NR5A1: variants seen among roughly 807,000 people sequenced by gnomAD.
NR5A1 encodes nuclear receptor subfamily 5 group A member 1, also known as steroidogenic factor 1.
NR5A1 carries 6 observed loss-of-function variants against 42.7 expected under a neutral mutation model. The observed-to-expected ratio is 0.14, with a 90% CI of 0.08 to 0.28. The LOEUF is 0.28. Ranked by LOEUF, NR5A1 falls within the 10% of genes least tolerant of loss-of-function variation. NR5A1 has a pLI of 1.00. For missense variants in NR5A1, 442 were observed against 626.4 expected, an observed-to-expected ratio of 0.71 and a Z score of 3.14; for synonymous variants, 274 against 277.5, an observed-to-expected ratio of 0.99 and a Z score of 0.12.
In NR5A1 at chr9:124,481,693, T is replaced by G. The variant is rs1246285506; in HGVS notation, c.*1065A>C. 2 of 152,082 alleles carry G rather than the reference T, an allele frequency of 1.3e-5. No homozygotes were observed. Among genetic ancestry groups the G allele is most frequent in the Non-Finnish European group, 2.9e-5 (2 of 68,026 alleles). 9.4% of individuals were successfully genotyped at this position (152,082 alleles called of 1,614,324 possible). ...TGCCCCCTCCCAAGTTCACTTGCAT[T>G]CCCACCCACAGAGACCTGAAGCCCC... On this transcript the variant is annotated 3_prime_UTR_variant, in exon 7 of 7. Coordinates refer to ENST00000373588, the MANE Select transcript of NR5A1 (RefSeq NM_004959.5).
At chr9:124,487,691 C>A (rs1174527955) in intron 6 of NR5A1, among the ~76,000 whole-genome samples, 2 of 152,128 alleles carry the variant, frequency 1.3e-5, no homozygotes, top group Admixed American at 1.3e-4. Context: ...CAGGGCGGAG[C>A]CGCCCCCGAG....
rs774409128 is a variant in NR5A1 at position 124,482,746 on chromosome 9, C to T, written c.*12G>A. 7.1e-6 allele frequency: 11 copies of T among 1,541,456 alleles called. No homozygotes were observed. Among genetic ancestry groups the T allele is most frequent in the Middle Eastern group, 4.4e-4 (2 of 4,506 alleles). On this transcript the variant is annotated 3_prime_UTR_variant, in exon 7 of 7. Coordinates refer to ENST00000373588, the MANE Select transcript of NR5A1 (RefSeq NM_004959.5). ...TCCCGCCCCCAGTCCCGGCCCCGCC[C>T]CCGGCCCAGGCTCAAGTCTGCTTGG... is the stretch of plus-strand genomic sequence containing the variant.
At chr9:124,506,800 C>G (rs780325888) in intron 1 of NR5A1, among the ~76,000 whole-genome samples, 7 of 152,202 alleles carry the variant, frequency 4.6e-5, no homozygotes, top group Non-Finnish European at 8.8e-5. Context: ...AAGCCTAGAC[C>G]TGGCCCGGCC....
In NR5A1 at chr9:124,500,756, C is replaced by A. The variant is rs2131287463; in HGVS notation, c.245-41G>T. On this transcript the variant is annotated intron_variant, in intron 3 of 6. Coordinates refer to ENST00000373588, the MANE Select transcript of NR5A1 (RefSeq NM_004959.5). This position sits in a 1 kb window ranked among gnomAD's most constrained non-coding sequence, Gnocchi z 6.9. ...GAGGGTCAGACTCACCCTCTCTAAG[C>A]CCCCTTCCATGCTGCCCCACCACAG... The A allele has an allele frequency of 6.2e-7, 1 of 1,611,770 alleles. No homozygotes were observed. Among genetic ancestry groups the A allele is most frequent in the Non-Finnish European group, 8.5e-7 (1 of 1,179,954 alleles).
intron 3 of NR5A1, among the ~76,000 whole-genome samples, chr9:124,502,147 G>A (rs959959620): frequency 6.6e-6 from 1 of 152,060 alleles, no homozygotes; most frequent in Non-Finnish European, 1.5e-5. Context: ...GGGCGGTGGT[G>A]GTGGGCAGAT....
Position 124,503,832 on chromosome 9 carries a change from A to ACGAAGGAGGCAGAGACAGAGT in NR5A1, c.-15-443_-15-423dup, listed in dbSNP as rs1832505903. Among the ~76,000 whole-genome samples, 1 of 152,172 alleles carries ACGAAGGAGGCAGAGACAGAGT rather than the reference A, an allele frequency of 6.6e-6. No homozygotes were observed. Among genetic ancestry groups the ACGAAGGAGGCAGAGACAGAGT allele is most frequent in the Non-Finnish European group, 1.5e-5 (1 of 68,018 alleles). ...CGGGTGTTCTGGGAACCCGACAGAGACGAAGGAGGCAGAGACAGAGTCCGG... is the reference window on the plus strand; with the variant it reads ...CGGGTGTTCTGGGAACCCGACAGAGACGAAGGAGGCAGAGACAGAGTCGAAGGAGGCAGAGACAGAGTCCGG... On this transcript the variant is annotated intron_variant, in intron 1 of 6. Transcript: ENST00000373588. The surrounding 1 kb of genome is among the most constrained non-coding windows in gnomAD (Gnocchi z 9.6).
rs145650772 is a variant in NR5A1 at position 124,501,352 on chromosome 9, G to A, written c.245-637C>T. ...GACTCAAGTATCCTTCACTGGCTGCGAATGTGAAGCCAAGTTTAGAGCTGG... is the reference window on the plus strand; with the variant it reads ...GACTCAAGTATCCTTCACTGGCTGCAAATGTGAAGCCAAGTTTAGAGCTGG... On this transcript the variant is annotated intron_variant, in intron 3 of 6. Coordinates refer to ENST00000373588, the MANE Select transcript of NR5A1 (RefSeq NM_004959.5). The surrounding 1 kb of genome is among the most constrained non-coding windows in gnomAD (Gnocchi z 4.1). Among the ~76,000 whole-genome samples the A allele has an allele frequency of 7.2e-5, 11 of 152,362 alleles. No individual in the cohort carries two copies. The highest frequency in any genetic ancestry group is 1.2e-4 in the African/African-American group (5 of 41,580).
chr9:124,500,803 C>A lies in NR5A1; in HGVS notation c.245-88G>T. On this transcript the variant is annotated intron_variant, in intron 3 of 6. Transcript: ENST00000373588. This position sits in a 1 kb window ranked among gnomAD's most constrained non-coding sequence, Gnocchi z 6.9. Reference sequence around the variant, plus strand: ...ACAGATCCTTTCCAAACAAATCTGACCGCTCTCTCCCCTGCTCAACACCCT... The same window carrying A: ...ACAGATCCTTTCCAAACAAATCTGAACGCTCTCTCCCCTGCTCAACACCCT... The A allele has an allele frequency of 6.3e-7, 1 of 1,594,582 alleles. No homozygotes were observed. The highest frequency in any genetic ancestry group is 1.7e-5 in the Admixed American group (1 of 59,794).
chr9:124,500,814 C>T lies in NR5A1; in HGVS notation c.245-99G>A. 6.4e-7 allele frequency: 1 copy of T among 1,574,228 alleles called. No individual in the cohort carries two copies. Among genetic ancestry groups the T allele is most frequent in the Non-Finnish European group, 8.7e-7 (1 of 1,146,974 alleles). ...CCAAACAAATCTGACCGCTCTCTCCCCTGCTCAACACCCTTTCATGGCTCC... is the reference window on the plus strand; with the variant it reads ...CCAAACAAATCTGACCGCTCTCTCCTCTGCTCAACACCCTTTCATGGCTCC... On this transcript the variant is annotated intron_variant, in intron 3 of 6. Transcript: ENST00000373588. The surrounding 1 kb of genome is among the most constrained non-coding windows in gnomAD (Gnocchi z 6.9).
At chr9:124,504,052 C>A (rs142718853) in intron 1 of NR5A1, among the ~76,000 whole-genome samples, 7,698 of 103,040 alleles carry the variant, frequency 0.075, 1,305 homozygotes, top group African/African-American at 0.36. Flanking sequence ...GAGAGAGAGA[C>A]GAGAGAGAGA....
At chr9:124,491,637 A>G (rs1832310771) in intron 5 of NR5A1, among the ~76,000 whole-genome samples, 1 of 151,892 alleles carries the variant, frequency 6.6e-6, no homozygotes, top group Non-Finnish European at 1.5e-5. Context: ...CAGAGCCCCC[A>G]TGTTCACACC....
rs925035241 is a variant in NR5A1, at chr9:124,501,637, T to A, written c.245-922A>T. 1.4e-4 allele frequency among the ~76,000 whole-genome samples: 22 copies of A among 152,196 alleles called. No homozygotes were observed. The highest frequency in any genetic ancestry group is 1.3e-3 in the Admixed American group (20 of 15,276). On this transcript the variant is annotated intron_variant, in intron 3 of 6. Transcript: ENST00000373588. The surrounding 1 kb of genome is among the most constrained non-coding windows in gnomAD (Gnocchi z 4.1). ...CTGCCCCCTGGGGTGGGCAGCGCTG[T>A]GCTGCTCGCAGGCTGCACGGGAGTT...
chr9:124,500,399 G>C lies in NR5A1; in HGVS notation c.561C>G (p.Ala187=). The C allele has an allele frequency of 6.4e-7, 1 of 1,561,818 alleles. No homozygotes were observed. Among genetic ancestry groups the C allele is most frequent in the Non-Finnish European group, 8.7e-7 (1 of 1,153,800 alleles). ...CAGACTTGATGGCACGGCCAGGAAAGGCAGGGTAGAGGTAGCCAGCCAGTG... is the reference window on the plus strand; with the variant it reads ...CAGACTTGATGGCACGGCCAGGAAACGCAGGGTAGAGGTAGCCAGCCAGTG... ...HGPLAGYLYP[A]FPGRAIKSEY... Residue 187 remains alanine (A), a synonymous_variant, in exon 4 of 7, where the codon GCC becomes GCG. Coordinates refer to ENST00000373588, the MANE Select transcript of NR5A1 (RefSeq NM_004959.5). This position sits in a 1 kb window ranked among gnomAD's most constrained non-coding sequence, Gnocchi z 6.9.
intron 4 of NR5A1, among the ~76,000 whole-genome samples, chr9:124,497,814 G>A (rs370954412): frequency 1.7e-4 from 26 of 152,272 alleles, no homozygotes; most frequent in African/African-American, 5.3e-4. Flanking sequence ...CGGGACCTTC[G>A]CCTCTGCTGT....
chr9:124,483,920 G>T (rs551370667), intron 6 of NR5A1, among the ~76,000 whole-genome samples: 316 of 152,314 alleles, frequency 2.1e-3, no homozygotes, highest in Non-Finnish European at 3.6e-3. Context: ...CACATTCACT[G>T]CAGGAGTGCA....
intron 4 of NR5A1, among the ~76,000 whole-genome samples, chr9:124,493,983 C>G (rs1832353611): frequency 1.3e-5 from 2 of 152,206 alleles, no homozygotes; most frequent in Admixed American, 1.3e-4. Flanking sequence ...CGGGATCACA[C>G]AGAGGCAGGG....
At position 124,496,252 on chromosome 9, in the gene NR5A1, GC is replaced by G. The variant is rs574659238; in HGVS notation, c.871-3104del. ...GAAAACCACAGGGCCATAGCTGCCA[GC>G]CCCCCTGCATGAGAAAGCAGGTGGC... On this transcript the variant is annotated intron_variant, in intron 4 of 6. Transcript: ENST00000373588. The surrounding 1 kb of genome is among the most constrained non-coding windows in gnomAD (Gnocchi z 5.0). Among the ~76,000 whole-genome samples the G allele has an allele frequency of 3.4e-3, 510 of 152,166 alleles. 2 individuals are homozygous for G. The highest frequency in any genetic ancestry group is 5.2e-3 in the Non-Finnish European group (355 of 67,996).
intron 6 of NR5A1, among the ~76,000 whole-genome samples, chr9:124,485,873 A>C (rs1015313146): frequency 6.6e-6 from 1 of 152,186 alleles, no homozygotes; most frequent in Non-Finnish European, 1.5e-5. Context: ...GGGCTGAGCA[A>C]GTCTCCTGAC....
intron 1 of NR5A1, among the ~76,000 whole-genome samples, chr9:124,504,458 C>T (rs1238167000): frequency 2.6e-5 from 4 of 152,080 alleles, no homozygotes; most frequent in African/African-American, 9.6e-5. Context: ...GAGACAAAGC[C>T]GCAGCAGCGA....
Sources: gnomAD v4.1 joint callset for allele counts (sites outside exome capture counted in the v4.1 genomes callset) on GRCh38, gnomAD v4.1.1 for gene constraint, Gnocchi (gnomAD v3.1) non-coding constraint, MANE v1.5 for transcripts, NCBI Gene and HGNC (gene_info 2026-07-23, HGNC 2026-07-21) for gene names.